Variants in SEL1L2 observed in about 807,000 individuals in gnomAD.
SEL1L2 encodes the protein SEL1L2 adaptor subunit of SYVN1 ubiquitin ligase, also known as protein sel-1 homolog 2.
SEL1L2 carries 89 observed loss-of-function variants against 98.8 expected under a neutral mutation model. The ratio of observed to expected loss-of-function variants is 0.90; its 90% CI spans 0.76 to 1.07. The LOEUF is 1.07. Among genes scored for constraint, SEL1L2 ranks in the 50% least tolerant of loss-of-function variants. SEL1L2 has a pLI of 0.00. For synonymous variants in SEL1L2, 262 were observed against 278.5 expected, an observed-to-expected ratio of 0.94 and a Z score of 0.59; for missense variants, 788 against 812.0, an observed-to-expected ratio of 0.97 and a Z score of 0.36.
intron 3 of SEL1L2, among the ~76,000 whole-genome samples, chr20:13,928,658 G>A (rs893820225): frequency 6.6e-5 from 10 of 152,150 alleles, no homozygotes; most frequent in South Asian, 2.1e-4. Flanking sequence ...GTAAAAGATC[G>A]GAAGTGATAT....
chr20:13,867,764 T>C (rs547244507), intron 14 of SEL1L2, among the ~76,000 whole-genome samples: 1 of 152,262 alleles, frequency 6.6e-6, no homozygotes, highest in African/African-American at 2.4e-5. Context: ...GCCATGACTA[T>C]TTTTCTTATT....
At chr20:13,869,168 C>G (rs1219679477) in intron 14 of SEL1L2, among the ~76,000 whole-genome samples, 1 of 152,122 alleles carries the variant, frequency 6.6e-6, no homozygotes, top group African/African-American at 2.4e-5. Context: ...CTCAACTACT[C>G]TTAACTAATA....
At chr20:13,984,796 T>G (rs563041893) in intron 1 of SEL1L2, among the ~76,000 whole-genome samples, 1 of 152,260 alleles carries the variant, frequency 6.6e-6, no homozygotes, top group South Asian at 2.1e-4. Flanking sequence ...CTTTTAAATT[T>G]TTTTTGCTTT....
At chr20:13,933,803 T>TTTGGTTTGCTTTGATTTC (rs1555887882) in intron 2 of SEL1L2, among the ~76,000 whole-genome samples, 6 of 152,100 alleles carry the variant, frequency 3.9e-5, no homozygotes, top group Admixed American at 2.0e-4. Flanking sequence ...CTTTGTGTCA[T>TTTGGTTTGCTTTGATTTC]TTGGTTTGCT....
chr20:13,878,821 C>T (rs1346287251), intron 10 of SEL1L2, among the ~76,000 whole-genome samples: 1 of 152,016 alleles, frequency 6.6e-6, no homozygotes, highest in Non-Finnish European at 1.5e-5. Context: ...AAACATGATT[C>T]CTACATTTGC....
At chr20:13,991,609 A>G (rs529327212), upstream of SEL1L2, among the ~76,000 whole-genome samples, 2 of 152,308 alleles carry the variant, frequency 1.3e-5, no homozygotes, top group South Asian at 4.1e-4. Flanking sequence ...TCTGTAGTTT[A>G]ATCTCCCTTT....
At chr20:13,991,955 C>T (rs984219208), upstream of SEL1L2, among the ~76,000 whole-genome samples, 1 of 151,992 alleles carries the variant, frequency 6.6e-6, no homozygotes, top group African/African-American at 2.4e-5. Context: ...TTGCAGTGAG[C>T]AGAGATTGTG....
intron 14 of SEL1L2, among the ~76,000 whole-genome samples, chr20:13,868,038 C>T (rs559884226): frequency 2.2e-4 from 33 of 152,164 alleles, no homozygotes; most frequent in African/African-American, 7.7e-4. Flanking sequence ...TTTGTCTTGG[C>T]CACTTCCTCT....
chr20:13,878,541 T>A (rs530115861), intron 10 of SEL1L2, among the ~76,000 whole-genome samples: 1 of 152,324 alleles, frequency 6.6e-6, no homozygotes, highest in East Asian at 1.9e-4. Context: ...TTGATCAGGT[T>A]GATGTGCAAA....
In SEL1L2 at chr20:13,886,239, C is replaced by T. The variant is rs1265629234; in HGVS notation, c.900+49G>A. The T allele has an allele frequency of 2.1e-6, 3 of 1,400,200 alleles. No individual in the cohort carries two copies. In the East Asian group the frequency reaches 6.9e-5, roughly 32 times the overall value. The allele number at this position is 1,400,200 out of a possible 1,614,324, so 86.7% of individuals were successfully genotyped here. ...TCCAGGACTCAGAAAGAATTAAGCCCCTTGTAATTTTCATGTTCTAAAAAC... is the reference window on the plus strand; with the variant it reads ...TCCAGGACTCAGAAAGAATTAAGCCTCTTGTAATTTTCATGTTCTAAAAAC... On this transcript the variant is annotated intron_variant, in intron 9 of 19. Transcript: ENST00000284951.
chr20:13,932,604 G>A (rs1477855312), intron 2 of SEL1L2, among the ~76,000 whole-genome samples: 2 of 151,746 alleles, frequency 1.3e-5, no homozygotes, highest in African/African-American at 4.8e-5. Flanking sequence ...GCTAATTTTT[G>A]TATTTTTAAT....
intron 17 of SEL1L2, 43 bp downstream of exon 17, chr20:13,865,124 G>T: frequency 6.7e-7 from 1 of 1,486,746 alleles, no homozygotes; most frequent in Non-Finnish European, 9.3e-7. Context: ...AATAACAGAG[G>T]ACAGGGACCG....
chr20:13,966,557 C>T (rs1394121465), intron 1 of SEL1L2, among the ~76,000 whole-genome samples: 1 of 152,080 alleles, frequency 6.6e-6, no homozygotes, highest in Non-Finnish European at 1.5e-5. Context: ...TGACCTCAGG[C>T]AATCCACCCA....
chr20:13,875,555 G>A (rs2046392705), intron 12 of SEL1L2, among the ~76,000 whole-genome samples: 1 of 152,190 alleles, frequency 6.6e-6, no homozygotes, highest in Admixed American at 6.5e-5. Flanking sequence ...CAGTCGCCTT[G>A]CCCTGGCCTC....
At chr20:13,913,319 A>G (rs2048277344) in intron 5 of SEL1L2, 1 of 152,530 alleles carries the variant, frequency 6.6e-6, no homozygotes, top group African/African-American at 2.4e-5. Flanking sequence ...ATGCACAAAG[A>G]AAGAAGCCAA....
At chr20:13,856,021 G>T (rs1024959660) in intron 18 of SEL1L2, among the ~76,000 whole-genome samples, 2 of 152,238 alleles carry the variant, frequency 1.3e-5, no homozygotes, top group African/African-American at 4.8e-5. Context: ...CAGAAAGTCA[G>T]ACCTGAGCCA....
At chr20:13,887,627 G>A (rs2147995900) in intron 8 of SEL1L2, 142 bp downstream of exon 8, 1 of 585,124 alleles carries the variant, frequency 1.7e-6, no homozygotes, top group South Asian at 2.5e-5. Flanking sequence ...ACTGTATTAT[G>A]TTAAAAGAAT....
intron 2 of SEL1L2, among the ~76,000 whole-genome samples, chr20:13,932,479 T>A (rs1361351290): frequency 6.6e-6 from 1 of 151,816 alleles, no homozygotes; most frequent in African/African-American, 2.4e-5. Context: ...TCACCCAGGC[T>A]GGAGTGCAGT....
In SEL1L2 at chr20:13,849,248, G is replaced by A. The variant is rs941993175; in HGVS notation, c.*237C>T. 2 of 400,926 alleles carry A rather than the reference G, an allele frequency of 5.0e-6. No homozygotes were observed. Among genetic ancestry groups the A allele is most frequent in the Non-Finnish European group, 9.1e-6 (2 of 220,616 alleles). 24.8% of individuals were successfully genotyped at this position (400,926 alleles called of 1,614,324 possible). On this transcript the variant is annotated 3_prime_UTR_variant, in exon 20 of 20. Coordinates refer to ENST00000284951, the MANE Select transcript of SEL1L2 (RefSeq NM_025229.2). The stretch of plus-strand genomic sequence containing the variant: ...GTGGGACTAGGTCACCAAGATGACA[G>A]ATTGGTAACAAGGTCTTAGGTGACC...
Sources: gnomAD v4.1 joint callset for allele counts (sites outside exome capture counted in the v4.1 genomes callset) on GRCh38, gnomAD v4.1.1 for gene constraint, MANE v1.5 for transcripts, NCBI Gene and HGNC (gene_info 2026-07-23, HGNC 2026-07-21) for gene names.